Variants in SEMA3E observed in about 807,000 individuals in gnomAD.
SEMA3E encodes the protein semaphorin 3E.
In SEMA3E, 49 loss-of-function variants were observed where a neutral mutation model predicts 93.6. The observed-to-expected ratio is 0.52, with a 90% CI of 0.42 to 0.66. SEMA3E has a LOEUF of 0.66. SEMA3E is among the 30% of genes least tolerant of loss of function. SEMA3E has a pLI of 0.00. For missense variants in SEMA3E, 906 were observed against 964.8 expected, an observed-to-expected ratio of 0.94 and a Z score of 0.81; for synonymous variants, 363 against 330.7, an observed-to-expected ratio of 1.10 and a Z score of -1.06.
At chr7:83,435,426 T>C (rs539867543) in intron 4 of SEMA3E, among the ~76,000 whole-genome samples, 1 of 152,068 alleles carries the variant, frequency 6.6e-6, no homozygotes, top group African/African-American at 2.4e-5. Flanking sequence ...AAATCCTGTC[T>C]TTACTAAAAA....
At chr7:83,591,392 G>T (rs773696163) in intron 1 of SEMA3E, among the ~76,000 whole-genome samples, 3 of 151,312 alleles carry the variant, frequency 2.0e-5, no homozygotes, top group Non-Finnish European at 4.4e-5. Flanking sequence ...TTTTTCCAGC[G>T]TTCCAACTCC....
intron 1 of SEMA3E, among the ~76,000 whole-genome samples, chr7:83,572,661 AAAC>A (rs1278565320): frequency 6.6e-6 from 1 of 151,918 alleles, no homozygotes; most frequent in Admixed American, 6.6e-5. Flanking sequence ...CAAAACAAAA[AAAC>A]AAAAAAAACA....
intron 2 of SEMA3E, among the ~76,000 whole-genome samples, chr7:83,470,695 G>T (rs1789872260): frequency 6.6e-6 from 1 of 151,926 alleles, no homozygotes; most frequent in Non-Finnish European, 1.5e-5. Flanking sequence ...TGCTTTTTGT[G>T]CATATATTTC....
At chr7:83,527,168 C>T (rs1791178700) in intron 1 of SEMA3E, among the ~76,000 whole-genome samples, 1 of 147,784 alleles carries the variant, frequency 6.8e-6, no homozygotes, top group Admixed American at 7.0e-5. Flanking sequence ...CAGCAACCAC[C>T]ATGAGCTAAG....
chr7:83,559,869 T>C (rs146184967), intron 1 of SEMA3E, among the ~76,000 whole-genome samples: 1 of 151,986 alleles, frequency 6.6e-6, no homozygotes, highest in Non-Finnish European at 1.5e-5. Context: ...ATCCTGACAA[T>C]AGAATGTTAC....
intron 1 of SEMA3E, among the ~76,000 whole-genome samples, chr7:83,625,839 G>A (rs1793659009): frequency 6.6e-6 from 1 of 151,936 alleles, no homozygotes; most frequent in Non-Finnish European, 1.5e-5. Context: ...ACTGGCTGTG[G>A]GTTTGTCATA....
intron 2 of SEMA3E, among the ~76,000 whole-genome samples, chr7:83,477,011 G>A (rs1790024908): frequency 6.6e-6 from 1 of 151,968 alleles, no homozygotes; most frequent in African/African-American, 2.4e-5. Context: ...AAATTACAAG[G>A]TAATTTTTTT....
At chr7:83,613,203 C>A (rs1405299349) in intron 1 of SEMA3E, among the ~76,000 whole-genome samples, 1 of 151,912 alleles carries the variant, frequency 6.6e-6, no homozygotes, top group Non-Finnish European at 1.5e-5. Flanking sequence ...CAATGGAGAC[C>A]CTGCCTTTTT....
chr7:83,410,786 A>G (rs1788424361), intron 5 of SEMA3E, among the ~76,000 whole-genome samples: 1 of 152,104 alleles, frequency 6.6e-6, no homozygotes, highest in East Asian at 1.9e-4. Flanking sequence ...TTGACTATTA[A>G]CACATGAGTG....
intron 2 of SEMA3E, among the ~76,000 whole-genome samples, chr7:83,477,340 A>G (rs1259292985): frequency 6.6e-6 from 1 of 152,014 alleles, no homozygotes; most frequent in Non-Finnish European, 1.5e-5. Context: ...CTGTATTTAC[A>G]TCTATGTGTG....
chr7:83,400,093 T>C lies in SEMA3E; in HGVS notation c.1301A>G (p.Lys434Arg), dbSNP rs1788207897. 6.2e-7 allele frequency: 1 copy of C among 1,613,974 alleles called. No individual in the cohort carries two copies. The highest frequency in any genetic ancestry group is 1.3e-5 in the African/African-American group (1 of 74,938). The change falls in exon 11 of 17, where the codon AAA (lysine) becomes AGA (arginine). Residue 434 changes from lysine (K) to arginine (R), a missense_variant. By Grantham distance (26) the Lys-to-Arg change is conservative (BLOSUM62 2). Coordinates refer to ENST00000643230, the MANE Select transcript of SEMA3E (RefSeq NM_012431.3). ...LVKTDGKYNL[K>R]QIAVDRVEAE... ...TTCCACTCGATCTACTGCTATTTGT[T>C]TCAGGTTATATTTTCCATCTGTTTT...
intron 1 of SEMA3E, among the ~76,000 whole-genome samples, chr7:83,604,101 AC>A (rs1454094277): frequency 6.7e-6 from 1 of 149,496 alleles, no homozygotes; most frequent in African/African-American, 2.5e-5. Context: ...GAAAGCTAAA[AC>A]TTCTAACAAT....
chr7:83,461,750 C>A (rs1789622817), intron 4 of SEMA3E, among the ~76,000 whole-genome samples: 1 of 152,160 alleles, frequency 6.6e-6, no homozygotes, highest in African/African-American at 2.4e-5. Flanking sequence ...TAAATTCCGG[C>A]CCTCAAACCC....
intron 1 of SEMA3E, among the ~76,000 whole-genome samples, chr7:83,631,476 A>G (rs1479611549): frequency 6.6e-6 from 1 of 152,248 alleles, no homozygotes; most frequent in Non-Finnish European, 1.5e-5. Context: ...AAACGACTTT[A>G]TAAGAATTTC....
intron 1 of SEMA3E, among the ~76,000 whole-genome samples, chr7:83,549,944 A>C (rs975666426): frequency 1.3e-5 from 2 of 152,076 alleles, no homozygotes; most frequent in East Asian, 3.9e-4. Flanking sequence ...TTCTAGGTTA[A>C]AGCATCCACA....
chr7:83,548,837 A>G (rs979825484), intron 1 of SEMA3E, among the ~76,000 whole-genome samples: 5 of 152,002 alleles, frequency 3.3e-5, no homozygotes, highest in African/African-American at 1.2e-4. Flanking sequence ...AGATGCTCCA[A>G]CTCTGACCTG....
rs187757904 is a variant in SEMA3E at position 83,428,039 on chromosome 7, A to C, written c.457-9556T>G. On this transcript the variant is annotated intron_variant, in intron 4 of 16. Coordinates refer to ENST00000643230, the MANE Select transcript of SEMA3E (RefSeq NM_012431.3). ...CTCTTGTGCTTGAAAGTAACCACTA[A>C]TGTGGGCAGATACATGTGTCTGTCA... Among the ~76,000 whole-genome samples, 834 of 152,320 alleles carry C rather than the reference A, an allele frequency of 5.5e-3. 1 individual carries two copies. The highest frequency in any genetic ancestry group is 9.2e-3 in the Non-Finnish European group (625 of 68,022).
chr7:83,530,061 G>T (rs1352803078), intron 1 of SEMA3E, among the ~76,000 whole-genome samples: 1 of 151,844 alleles, frequency 6.6e-6, no homozygotes, highest in African/African-American at 2.4e-5. Flanking sequence ...ACTTTTCTAG[G>T]CCGTGGGCAT....
At chr7:83,489,761 C>T (rs984374287) in intron 2 of SEMA3E, among the ~76,000 whole-genome samples, 3 of 152,026 alleles carry the variant, frequency 2.0e-5, no homozygotes, top group Admixed American at 6.6e-5. Context: ...TTTCTTCAAG[C>T]TTGCGCTTTG....
Sources: gnomAD v4.1 joint callset for allele counts (sites outside exome capture counted in the v4.1 genomes callset) on GRCh38, gnomAD v4.1.1 for gene constraint, MANE v1.5 for transcripts, NCBI Gene and HGNC (gene_info 2026-07-23, HGNC 2026-07-21) for gene names.